The following LRBA variants were observed in gnomAD, a reference collection of about 807,000 sequenced individuals.
The protein encoded by LRBA is LPS responsive beige-like anchor protein.
In LRBA, 176 loss-of-function variants were observed where a neutral mutation model predicts 330.0. The observed-to-expected ratio is 0.53, with a 90% confidence interval of 0.47 to 0.60. LRBA has a LOEUF of 0.60. Among genes scored for constraint, LRBA ranks in the 20% least tolerant of loss-of-function variants. The probability of loss-of-function intolerance (pLI) is 0.00; values close to 1 mark genes in which losing one functional copy is unlikely to be tolerated. For synonymous variants in LRBA, 1,230 were observed against 1,193.0 expected (o/e 1.03, Z -0.64); for missense variants, 3,259 against 3,444.8 (o/e 0.95, Z 1.35).
intron 37 of LRBA, among the ~76,000 whole-genome samples, chr4:150,643,117 A>G (rs1057482583): frequency 1.3e-5 from 2 of 151,884 alleles, no homozygotes; most frequent in African/African-American, 4.8e-5. Flanking sequence ...AACAACTTCA[A>G]CGCACAAGTA....
intron 44 of LRBA, among the ~76,000 whole-genome samples, chr4:150,454,524 C>T (rs1753803369): frequency 6.6e-6 from 1 of 151,800 alleles, no homozygotes; most frequent in Non-Finnish European, 1.5e-5. Context: ...TGAGATAGGT[C>T]ACACTAGATC....
chr4:150,938,222 T>G (rs191477370), intron 2 of LRBA, among the ~76,000 whole-genome samples: 1 of 152,300 alleles, frequency 6.6e-6, no homozygotes, highest in East Asian at 1.9e-4. Context: ...TATTTATTTA[T>G]AAAATTAACT....
chr4:150,875,760 A>C (rs1401432124), intron 17 of LRBA, among the ~76,000 whole-genome samples: 6 of 152,248 alleles, frequency 3.9e-5, no homozygotes, highest in Non-Finnish European at 8.8e-5. Context: ...GAAAATTATT[A>C]CAAAAGTTAC....
At position 150,821,046 on chromosome 4, in the gene LRBA, A is replaced by G. The variant is rs142486874; in HGVS notation, c.5172-3789T>C. 5.5e-4 allele frequency among the ~76,000 whole-genome samples: 83 copies of G among 152,248 alleles called. 1 individual carries two copies. The highest frequency in any genetic ancestry group is 1.1e-3 in the Non-Finnish European group (74 of 67,956). On this transcript the variant is annotated intron_variant, in intron 30 of 56. Transcript: ENST00000651943. ...TTACATGACAGACAATGTGCTAGGGATATTTCTGGCATCTTTCTCAGGCTA... is the reference window on the plus strand; with the variant it reads ...TTACATGACAGACAATGTGCTAGGGGTATTTCTGGCATCTTTCTCAGGCTA...
At chr4:150,407,492 G>C (rs1746367857) in intron 47 of LRBA, among the ~76,000 whole-genome samples, 1 of 151,882 alleles carries the variant, frequency 6.6e-6, no homozygotes, top group African/African-American at 2.4e-5. Context: ...TAGACAGAAA[G>C]TCAGCAAAGA....
chr4:150,736,537 CA>C (rs1473538728), intron 35 of LRBA, among the ~76,000 whole-genome samples: 45 of 151,960 alleles, frequency 3.0e-4, no homozygotes, highest in Middle Eastern at 3.4e-3. Context: ...AGGTCAATGA[CA>C]ACTAGACTGA....
chr4:150,611,812 G>GA (rs1775293472), intron 37 of LRBA, among the ~76,000 whole-genome samples: 1 of 152,132 alleles, frequency 6.6e-6, no homozygotes, highest in African/African-American at 2.4e-5. Flanking sequence ...CCCAAATTTG[G>GA]AAGAACTACA....
intron 29 of LRBA, among the ~76,000 whole-genome samples, chr4:150,830,023 G>T (rs576797516): frequency 6.6e-6 from 1 of 152,160 alleles, no homozygotes; most frequent in East Asian, 1.9e-4. Context: ...GAATCTGACT[G>T]CCTCTCACCA....
intron 37 of LRBA, among the ~76,000 whole-genome samples, chr4:150,671,730 A>G (rs1205167072): frequency 1.3e-5 from 2 of 152,184 alleles, no homozygotes; most frequent in Admixed American, 1.3e-4. Context: ...CTGTGCTCCC[A>G]CTAAAACCCT....
chr4:150,634,199 A>G (rs1355766339), intron 37 of LRBA, among the ~76,000 whole-genome samples: 1 of 152,302 alleles, frequency 6.6e-6, no homozygotes, highest in East Asian at 1.9e-4. Flanking sequence ...AAGATAACTT[A>G]CCAGAGCTCT....
In LRBA at chr4:150,611,273, C is replaced by A. The variant is rs553618525; in HGVS notation, c.5922-12142G>T. Among the ~76,000 whole-genome samples the A allele has an allele frequency of 2.2e-3, 337 of 152,286 alleles. 2 individuals carry two copies. Among genetic ancestry groups the A allele is most frequent in the Non-Finnish European group, 3.1e-3 (212 of 68,012 alleles). ...CTAGTACGTATTTTACATGTGATCT[C>A]ATTTAATTCTCAAAACAACCATATA... is the stretch of plus-strand genomic sequence containing the variant. On this transcript the variant is annotated intron_variant, in intron 37 of 56. Coordinates refer to ENST00000651943, the MANE Select transcript of LRBA (RefSeq NM_001364905.1).
At chr4:150,508,068 G>A (rs959741737) in intron 40 of LRBA, among the ~76,000 whole-genome samples, 1 of 130,112 alleles carries the variant, frequency 7.7e-6, no homozygotes, top group African/African-American at 2.9e-5. Flanking sequence ...TCACAAACCG[G>A]GGACTGTTGT....
At chr4:150,731,889 G>C (rs1291851737) in intron 36 of LRBA, among the ~76,000 whole-genome samples, 1 of 152,102 alleles carries the variant, frequency 6.6e-6, no homozygotes, top group Non-Finnish European at 1.5e-5. Flanking sequence ...TGAAGAGATG[G>C]ATACCCAATA....
At chr4:150,980,742 G>A (rs1988707) in intron 2 of LRBA, among the ~76,000 whole-genome samples, 147,339 of 152,322 alleles carry the variant, frequency 0.97, 71,432 homozygotes, top group Non-Finnish European at 1. Context: ...GAAAAACCTA[G>A]AGAGTCCACC....
chr4:151,005,972 C>T (rs1412974866), intron 2 of LRBA, among the ~76,000 whole-genome samples: 1 of 152,064 alleles, frequency 6.6e-6, no homozygotes, highest in Non-Finnish European at 1.5e-5. Flanking sequence ...TACAAACTGC[C>T]TAACAAATAA....
At chr4:150,421,120 A>T (rs189213142) in intron 46 of LRBA, among the ~76,000 whole-genome samples, 405 of 38,090 alleles carry the variant, frequency 0.011, 30 homozygotes, top group African/African-American at 0.034. Flanking sequence ...ATACATTATA[A>T]TATATATAAA....
At chr4:150,956,509 C>T (rs1010945114) in intron 2 of LRBA, among the ~76,000 whole-genome samples, 4 of 148,928 alleles carry the variant, frequency 2.7e-5, no homozygotes, top group Admixed American at 6.6e-5. Context: ...GAGGAGAGAA[C>T]ACATCCCAGC....
chr4:150,519,606 C>A (rs536701751), intron 40 of LRBA, among the ~76,000 whole-genome samples: 2 of 152,200 alleles, frequency 1.3e-5, no homozygotes, highest in African/African-American at 4.8e-5. Flanking sequence ...GGTGTATCTA[C>A]CCTTCATTTA....
At chr4:150,663,976 T>G (rs1261416788) in intron 37 of LRBA, among the ~76,000 whole-genome samples, 1 of 151,512 alleles carries the variant, frequency 6.6e-6, no homozygotes, top group Non-Finnish European at 1.5e-5. Context: ...AAGAAGAGCA[T>G]GAGAAAATAT....
Sources: gnomAD v4.1 joint callset for allele counts (sites outside exome capture counted in the v4.1 genomes callset) on GRCh38, gnomAD v4.1.1 for gene constraint, MANE v1.5 for transcripts, NCBI Gene and HGNC (gene_info 2026-07-23, HGNC 2026-07-21) for gene names.